The following CAPN13 variants were observed in gnomAD, a reference collection of about 807,000 sequenced individuals.
CAPN13 encodes calpain 13, also known as calpain-13.
A neutral mutation model predicts 98.4 loss-of-function variants in CAPN13; 90 were observed. That is an observed-to-expected ratio of 0.92 (90% CI 0.77 to 1.09). The LOEUF (loss-of-function observed/expected upper bound fraction) is 1.09. Among genes scored for constraint, CAPN13 ranks in the 50% least tolerant of loss-of-function variants. The probability of loss-of-function intolerance (pLI) is 0.00; values close to 1 mark genes in which losing one functional copy is unlikely to be tolerated. For synonymous variants in CAPN13, 330 were observed against 305.5 expected (o/e 1.08, Z -0.84); for missense variants, 887 against 841.3 (o/e 1.05, Z -0.67).
At chr2:30,759,070 C>CT (rs1372309137) in intron 7 of CAPN13, among the ~76,000 whole-genome samples, 3 of 14,412 alleles carry the variant, frequency 2.1e-4, no homozygotes, top group African/African-American at 8.2e-4. Flanking sequence ...CTCCCTCCCT[C>CT]CTCCCTCCCT....
At chr2:30,742,113 G>C in intron 14 of CAPN13, 149 bp from the exon 15 acceptor site, 1 of 949,168 alleles carries the variant, frequency 1.1e-6, no homozygotes, top group South Asian at 1.7e-5. Flanking sequence ...TGAGAAAACT[G>C]AAGTTTGTGG....
intron 1 of CAPN13, among the ~76,000 whole-genome samples, chr2:30,788,459 C>T (rs1166083687): frequency 2.0e-5 from 3 of 152,136 alleles, no homozygotes; most frequent in Admixed American, 2.0e-4. Flanking sequence ...GTGAGGCTGG[C>T]CTGGATGGGA....
chr2:30,792,281 A>G (rs1490891745), intron 1 of CAPN13, among the ~76,000 whole-genome samples: 3 of 152,164 alleles, frequency 2.0e-5, no homozygotes, highest in Non-Finnish European at 4.4e-5. Flanking sequence ...TGCTTCTTTG[A>G]AAAGATCAAC....
chr2:30,736,396 G>T (rs509380), intron 18 of CAPN13, 107 bp downstream of exon 18: 860,920 of 1,111,688 alleles, frequency 0.77, 336,426 homozygotes, highest in Non-Finnish European at 0.81. Flanking sequence ...AGGGGTGAGA[G>T]TTCCTCTTCT....
At chr2:30,766,274 G>A (rs1250687282) in intron 5 of CAPN13, among the ~76,000 whole-genome samples, 1 of 152,160 alleles carries the variant, frequency 6.6e-6, no homozygotes, top group Non-Finnish European at 1.5e-5. Flanking sequence ...ACTGCCTGTG[G>A]GCCCCACCTG....
At chr2:30,792,542 G>A (rs905543916) in intron 1 of CAPN13, among the ~76,000 whole-genome samples, 1 of 152,006 alleles carries the variant, frequency 6.6e-6, no homozygotes, top group African/African-American at 2.4e-5. Context: ...GCCACATATA[G>A]TAAAGAAATT....
chr2:30,737,764 A>G (rs961871269), intron 17 of CAPN13: 5 of 163,884 alleles, frequency 3.1e-5, no homozygotes, highest in African/African-American at 1.2e-4. Flanking sequence ...ATAGTTCCCA[A>G]CGGTGCTATA....
chr2:30,789,729 G>A (rs982129285), intron 1 of CAPN13, among the ~76,000 whole-genome samples: 1 of 152,254 alleles, frequency 6.6e-6, no homozygotes, highest in African/African-American at 2.4e-5. Context: ...ACAGTGACTG[G>A]TAAGTACAAA....
In CAPN13 at chr2:30,787,121, C is replaced by T. The variant is rs374473360; in HGVS notation, c.198+7G>A. 18 of 1,550,134 alleles carry T rather than the reference C, an allele frequency of 1.2e-5. No individual in the cohort carries two copies. In the African/African-American group the frequency reaches 2.2e-4, roughly 19 times the overall value. On this transcript the variant is annotated splice_region_variant and intron_variant, in intron 2 of 22. Transcript: ENST00000295055. ...GAGCTGGGTATGCTCGTGTGGGGCT[C>T]ACTCACCTGTGGCCGCTTCCATATC...
chr2:30,745,619 T>C (rs2147976782), intron 12 of CAPN13, 104 bp downstream of exon 12: 1 of 1,145,122 alleles, frequency 8.7e-7, no homozygotes, highest in Non-Finnish European at 1.3e-6. Flanking sequence ...GAGACTGAAT[T>C]TGCAGCCACT....
At chr2:30,769,034 A>G (rs1673251890) in intron 5 of CAPN13, among the ~76,000 whole-genome samples, 2 of 151,944 alleles carry the variant, frequency 1.3e-5, no homozygotes, top group African/African-American at 4.8e-5. Context: ...CACTAAGGAC[A>G]CTTCTAGGGG....
At chr2:30,786,880 CTG>C (rs2148072666) in intron 2 of CAPN13, among the ~76,000 whole-genome samples, 1 of 152,274 alleles carries the variant, frequency 6.6e-6, no homozygotes, top group Admixed American at 6.5e-5. Context: ...GGATGAAAAA[CTG>C]AGGTATTTTA....
chr2:30,766,229 G>T (rs1050073130), intron 5 of CAPN13, among the ~76,000 whole-genome samples: 1 of 152,220 alleles, frequency 6.6e-6, no homozygotes, highest in Non-Finnish European at 1.5e-5. Context: ...GAAAAGCCGC[G>T]GTGGGGCCTG....
chr2:30,789,732 A>G (rs543215401), intron 1 of CAPN13, among the ~76,000 whole-genome samples: 1 of 152,378 alleles, frequency 6.6e-6, no homozygotes, highest in African/African-American at 2.4e-5. Flanking sequence ...GTGACTGGTA[A>G]GTACAAAGCA....
chr2:30,768,361 G>C (rs141388241), intron 5 of CAPN13, among the ~76,000 whole-genome samples: 21 of 152,232 alleles, frequency 1.4e-4, no homozygotes, highest in African/African-American at 4.3e-4. Context: ...GGAAGTGGGG[G>C]TCCTGAGAAA....
At chr2:30,792,851 A>G (rs1161846836) in intron 1 of CAPN13, among the ~76,000 whole-genome samples, 1 of 151,572 alleles carries the variant, frequency 6.6e-6, no homozygotes, top group East Asian at 1.9e-4. Flanking sequence ...TAAAAAAAAG[A>G]AGAAGAAGAA....
intron 2 of CAPN13, among the ~76,000 whole-genome samples, chr2:30,784,007 C>A (rs1353676396): frequency 6.6e-6 from 1 of 151,892 alleles, no homozygotes; most frequent in Non-Finnish European, 1.5e-5. Flanking sequence ...ATGGTAAAAC[C>A]CCATCTCTAC....
At position 30,723,192 on chromosome 2, in the gene CAPN13, C is replaced by T. The variant is rs1340415752; in HGVS notation, c.*75G>A. ...ACCACCATACTGGGCAGCACAGCCTCTTAGAATGAGAGCCAGATTCTTGAG... is the reference window on the plus strand; with the variant it reads ...ACCACCATACTGGGCAGCACAGCCTTTTAGAATGAGAGCCAGATTCTTGAG... On this transcript the variant is annotated 3_prime_UTR_variant, in exon 23 of 23. Transcript: ENST00000295055. The T allele has an allele frequency of 6.6e-6, 1 of 152,288 alleles. No individual in the cohort carries two copies. Among genetic ancestry groups the T allele is most frequent in the Non-Finnish European group, 1.5e-5 (1 of 68,128 alleles). The allele number at this position is 152,288 out of a possible 1,614,324, so 9.4% of individuals were successfully genotyped here. A position where few individuals can be genotyped will look rare whatever the true frequency, so the allele number is the denominator to read the frequency against.
At chr2:30,727,510 A>G (rs1179455290) in intron 22 of CAPN13, among the ~76,000 whole-genome samples, 1 of 152,176 alleles carries the variant, frequency 6.6e-6, no homozygotes, top group Non-Finnish European at 1.5e-5. Context: ...CAAAGAACTA[A>G]ATGAACATTT....
Sources: allele counts gnomAD v4.1 joint callset (sites outside exome capture counted in the v4.1 genomes callset), GRCh38; gene constraint gnomAD v4.1.1; transcripts MANE v1.5; gene names NCBI Gene and HGNC (gene_info 2026-07-23, HGNC 2026-07-21).